The following KCND2 variants were observed in gnomAD, a reference collection of about 807,000 sequenced individuals.
KCND2 encodes the protein A-type voltage-gated potassium channel KCND2.
Under a neutral mutation model 54.4 loss-of-function variants are expected in KCND2, and 16 were observed. The ratio of observed to expected loss-of-function variants is 0.29; its 90% CI spans 0.20 to 0.45. The LOEUF is 0.45. Ranked by LOEUF, KCND2 falls within the 20% of genes least tolerant of loss-of-function variation. The probability of loss-of-function intolerance (pLI) is 1.00; values close to 1 mark genes in which losing one functional copy is unlikely to be tolerated. For missense variants in KCND2, 486 were observed against 824.2 expected (o/e 0.59, Z 5.02); for synonymous variants, 317 against 310.7 (o/e 1.02, Z -0.21).
intron 1 of KCND2, among the ~76,000 whole-genome samples, chr7:120,674,510 G>C: frequency 6.6e-6 from 1 of 152,090 alleles, no homozygotes; most frequent in East Asian, 1.9e-4. Context: ...GAATATATGA[G>C]TGCAGGTTTA....
intron 1 of KCND2, among the ~76,000 whole-genome samples, chr7:120,629,709 T>C (rs181603938): frequency 1.3e-5 from 2 of 152,166 alleles, no homozygotes; most frequent in African/African-American, 2.4e-5. Context: ...TTGGCTGACA[T>C]TGGTAATGCA....
At chr7:120,543,571 G>A (rs1215415540) in intron 1 of KCND2, among the ~76,000 whole-genome samples, 1 of 151,984 alleles carries the variant, frequency 6.6e-6, no homozygotes, top group Admixed American at 6.6e-5. Flanking sequence ...TTGAATGGGT[G>A]ATTATATTCC....
chr7:120,621,332 TTCTC>T, intron 1 of KCND2, among the ~76,000 whole-genome samples: 1 of 149,218 alleles, frequency 6.7e-6, no homozygotes, highest in South Asian at 2.1e-4. Context: ...GTCACCTGGG[TTCTC>T]TCTCCTATTC....
At chr7:120,705,259 C>T (rs1462512566) in intron 1 of KCND2, among the ~76,000 whole-genome samples, 1 of 152,142 alleles carries the variant, frequency 6.6e-6, no homozygotes, top group Non-Finnish European at 1.5e-5. Context: ...AATGTAAACA[C>T]GAGTGGTTGA....
intron 1 of KCND2, among the ~76,000 whole-genome samples, chr7:120,447,822 T>A (rs937385136): frequency 1.2e-4 from 18 of 151,774 alleles, no homozygotes; most frequent in African/African-American, 4.4e-4. Flanking sequence ...TTTTTAAGAC[T>A]GATTTTTTTT....
chr7:120,559,766 C>G (rs1792210927), intron 1 of KCND2, among the ~76,000 whole-genome samples: 1 of 152,112 alleles, frequency 6.6e-6, no homozygotes, highest in Admixed American at 6.5e-5. Context: ...TAGAGTTTGG[C>G]TTTAGTTAAA....
chr7:120,370,098 A>T (rs1028851519), intron 1 of KCND2, among the ~76,000 whole-genome samples: 1 of 151,956 alleles, frequency 6.6e-6, no homozygotes, highest in Non-Finnish European at 1.5e-5. Flanking sequence ...AGATGTGAAG[A>T]AGGTGAGGAA....
At chr7:120,696,053 A>T (rs1033969754) in intron 1 of KCND2, among the ~76,000 whole-genome samples, 2 of 152,216 alleles carry the variant, frequency 1.3e-5, no homozygotes, top group African/African-American at 4.8e-5. Context: ...AACATCAAAC[A>T]AGGCAGCCAG....
At chr7:120,304,570 A>G (rs1799624575) in intron 1 of KCND2, among the ~76,000 whole-genome samples, 1 of 152,192 alleles carries the variant, frequency 6.6e-6, no homozygotes. Context: ...GGGCTCATCA[A>G]TCTTCGTTTT....
intron 1 of KCND2, among the ~76,000 whole-genome samples, chr7:120,314,576 A>T (rs1799785734): frequency 1.3e-5 from 2 of 152,170 alleles, no homozygotes; most frequent in Non-Finnish European, 2.9e-5. Context: ...TTTTATGCAC[A>T]GATAAACAGA....
At chr7:120,505,333 G>A (rs1162866954) in intron 1 of KCND2, among the ~76,000 whole-genome samples, 6 of 151,134 alleles carry the variant, frequency 4.0e-5, no homozygotes, top group African/African-American at 9.7e-5. Flanking sequence ...GGCAGAGTAC[G>A]AAGGAAAAAA....
In KCND2 at chr7:120,655,426, A is replaced by G. The variant is rs561792887; in HGVS notation, c.1116-77477A>G. Among the ~76,000 whole-genome samples, 5 of 152,228 alleles carry G rather than the reference A, an allele frequency of 3.3e-5. No homozygotes were observed. The South Asian group carries it at 1.0e-3, about 31-fold the overall frequency. On this transcript the variant is annotated intron_variant, in intron 1 of 5. Transcript: ENST00000331113. ...TTCCTAATTACTCTTTGGTAAAAAA[A>G]TAATTATTATACTATAGTGATTACT...
chr7:120,277,009 T>G (rs982402475), intron 1 of KCND2, among the ~76,000 whole-genome samples: 1 of 152,114 alleles, frequency 6.6e-6, no homozygotes, highest in African/African-American at 2.4e-5. Context: ...TTAATTGGCT[T>G]CTTTAAATGA....
intron 1 of KCND2, among the ~76,000 whole-genome samples, chr7:120,356,320 C>T (rs1800504623): frequency 6.6e-6 from 1 of 152,014 alleles, no homozygotes; most frequent in Non-Finnish European, 1.5e-5. Flanking sequence ...CCTAGGTATG[C>T]CTTTAACATC....
At chr7:120,300,676 G>A (rs1799573273) in intron 1 of KCND2, among the ~76,000 whole-genome samples, 1 of 152,004 alleles carries the variant, frequency 6.6e-6, no homozygotes, top group African/African-American at 2.4e-5. Context: ...TAAAGTAACT[G>A]TAATTAGAGT....
intron 1 of KCND2, among the ~76,000 whole-genome samples, chr7:120,513,562 C>G (rs1275798700): frequency 6.6e-6 from 1 of 152,072 alleles, no homozygotes; most frequent in Non-Finnish European, 1.5e-5. Context: ...TTTCTTGGAA[C>G]TGACTAGTTG....
intron 1 of KCND2, among the ~76,000 whole-genome samples, chr7:120,308,184 A>G (rs1017933995): frequency 1.4e-4 from 21 of 152,202 alleles, no homozygotes; most frequent in Admixed American, 1.1e-3. Flanking sequence ...GAGAAAAAAA[A>G]TCTCTCTTAG....
intron 1 of KCND2, among the ~76,000 whole-genome samples, chr7:120,649,389 A>G (rs112909145): frequency 1.3e-4 from 20 of 152,340 alleles, no homozygotes; most frequent in African/African-American, 4.8e-4. Flanking sequence ...TGCTCAAAAG[A>G]TAAACAACAG....
chr7:120,383,503 A>G (rs1389195672), intron 1 of KCND2, among the ~76,000 whole-genome samples: 1 of 150,836 alleles, frequency 6.6e-6, no homozygotes, highest in East Asian at 1.9e-4. Flanking sequence ...TGCACTCACT[A>G]TATGGAATTT....
Sources: gnomAD v4.1 joint callset for allele counts (sites outside exome capture counted in the v4.1 genomes callset) on GRCh38, gnomAD v4.1.1 for gene constraint, MANE v1.5 for transcripts, NCBI Gene and HGNC (gene_info 2026-07-23, HGNC 2026-07-21) for gene names.